PRELID2: variants seen among roughly 807,000 people sequenced by gnomAD.
The protein encoded by PRELID2 is PRELI domain containing 2.
A neutral mutation model predicts 28.4 loss-of-function variants in PRELID2; 25 were observed. That is an observed-to-expected ratio of 0.88 (90% CI 0.64 to 1.23). The LOEUF (loss-of-function observed/expected upper bound fraction) is 1.23. Among genes scored for constraint, PRELID2 ranks in the 50% most tolerant of loss-of-function variants. The probability of loss-of-function intolerance (pLI) is 0.00; values close to 1 mark genes in which losing one functional copy is unlikely to be tolerated. For synonymous variants in PRELID2, 76 were observed against 71.6 expected (o/e 1.06, Z -0.31); for missense variants, 201 against 214.4 (o/e 0.94, Z 0.39).
At chr5:145,721,234 A>C (rs111765293) in intron 1 of PRELID2, among the ~76,000 whole-genome samples, 2,251 of 152,234 alleles carry the variant, frequency 0.015, 27 homozygotes, top group South Asian at 0.023. Context: ...AAAGGATAGT[A>C]GAAAAGTGAA....
At chr5:145,404,993 G>A in the PRELID2 span, among the ~76,000 whole-genome samples, 1 of 151,928 alleles carries the variant, frequency 6.6e-6, no homozygotes, top group African/African-American at 2.4e-5. Context: ...ATATTTTCAT[G>A]GTTTTAAACA....
intron 1 of PRELID2, among the ~76,000 whole-genome samples, chr5:145,632,855 T>A (rs1055441288): frequency 2.0e-5 from 3 of 152,126 alleles, no homozygotes; most frequent in African/African-American, 7.2e-5. Context: ...AAGAAGCCTA[T>A]CCTAAGTGGG....
At chr5:145,585,284 G>C (rs1247574909) in intron 1 of PRELID2, among the ~76,000 whole-genome samples, 1 of 152,116 alleles carries the variant, frequency 6.6e-6, no homozygotes, top group Non-Finnish European at 1.5e-5. Context: ...AGGGCCTGTC[G>C]TGGTGGGGTG....
intron 1 of PRELID2, among the ~76,000 whole-genome samples, chr5:145,679,626 TAAATA>T (rs1487554323): frequency 6.6e-6 from 1 of 152,058 alleles, no homozygotes; most frequent in Non-Finnish European, 1.5e-5. Context: ...AAATACTTCT[TAAATA>T]AAATAATTAA....
the PRELID2 span, among the ~76,000 whole-genome samples, chr5:145,407,601 C>A: frequency 6.6e-6 from 1 of 152,158 alleles, no homozygotes; most frequent in Non-Finnish European, 1.5e-5. Flanking sequence ...AACCCCAGTA[C>A]TTTTCTTGAC....
At chr5:145,665,339 G>A (rs1417298060) in intron 1 of PRELID2, among the ~76,000 whole-genome samples, 1 of 152,020 alleles carries the variant, frequency 6.6e-6, no homozygotes, top group African/African-American at 2.4e-5. Flanking sequence ...ACACTGTGCT[G>A]AGAATGCTAA....
At chr5:145,798,090 A>C (rs1752885633) in intron 4 of PRELID2, among the ~76,000 whole-genome samples, 1 of 151,952 alleles carries the variant, frequency 6.6e-6, no homozygotes, top group Non-Finnish European at 1.5e-5. Context: ...AACACAATTC[A>C]CTAGAGTGGC....
chr5:145,667,626 T>C (rs1303550042), intron 1 of PRELID2, among the ~76,000 whole-genome samples: 1 of 152,196 alleles, frequency 6.6e-6, no homozygotes, highest in East Asian at 1.9e-4. Context: ...ATTTACTATG[T>C]TGAATGCCTT....
At chr5:145,348,474 C>G in the PRELID2 span, among the ~76,000 whole-genome samples, 3 of 152,050 alleles carry the variant, frequency 2.0e-5, no homozygotes, top group Admixed American at 2.0e-4. Flanking sequence ...TTCTCCCACC[C>G]CCAGTAGCAT....
intron 1 of PRELID2, among the ~76,000 whole-genome samples, chr5:145,657,429 T>C (rs971704324): frequency 6.6e-6 from 1 of 152,196 alleles, no homozygotes; most frequent in African/African-American, 2.4e-5. Context: ...CTCATGCCTG[T>C]AATCCCAGCA....
chr5:145,528,309 C>A (rs1043846271), intron 1 of PRELID2, among the ~76,000 whole-genome samples: 6 of 152,070 alleles, frequency 3.9e-5, no homozygotes, highest in Middle Eastern at 3.2e-3. Context: ...TTCGTAGTAT[C>A]CTCAGTACTT....
At chr5:145,779,305 T>C (rs538369684) in intron 5 of PRELID2, among the ~76,000 whole-genome samples, 2 of 152,134 alleles carry the variant, frequency 1.3e-5, no homozygotes, top group Non-Finnish European at 2.9e-5. Context: ...TCACATACAG[T>C]TAAGAGTGCT....
the PRELID2 span, among the ~76,000 whole-genome samples, chr5:145,447,085 AAATT>A: frequency 6.6e-6 from 1 of 151,000 alleles, no homozygotes. Flanking sequence ...AAATAAATAA[AAATT>A]TAAAAATAAA....
At chr5:145,512,114 G>A (rs1231683585) in intron 1 of PRELID2, among the ~76,000 whole-genome samples, 1 of 152,120 alleles carries the variant, frequency 6.6e-6, no homozygotes, top group Non-Finnish European at 1.5e-5. Flanking sequence ...CATCAAGAAG[G>A]AATAAATTTT....
chr5:145,748,798 C>T (rs894055619), intron 1 of PRELID2, among the ~76,000 whole-genome samples: 7 of 152,108 alleles, frequency 4.6e-5, no homozygotes, highest in African/African-American at 1.7e-4. Context: ...TGGAACAAAA[C>T]AGAGACCTCA....
intron 1 of PRELID2, among the ~76,000 whole-genome samples, chr5:145,744,107 T>A (rs955475338): frequency 6.6e-6 from 1 of 152,130 alleles, no homozygotes; most frequent in Non-Finnish European, 1.5e-5. Flanking sequence ...TCCTTCCTCA[T>A]TGGGTAGGGC....
intron 1 of PRELID2, among the ~76,000 whole-genome samples, chr5:145,573,102 C>T (rs1167782713): frequency 1.3e-5 from 2 of 152,142 alleles, no homozygotes; most frequent in African/African-American, 4.8e-5. Flanking sequence ...GGAAAGTTCA[C>T]ATATTCTTTC....
intron 4 of PRELID2, among the ~76,000 whole-genome samples, chr5:145,811,215 T>C (rs1037711953): frequency 6.6e-6 from 1 of 151,638 alleles, no homozygotes; most frequent in Non-Finnish European, 1.5e-5. Context: ...CCCCACGATT[T>C]AATTGCCTCC....
At chr5:145,644,844 C>T (rs181558547) in intron 1 of PRELID2, among the ~76,000 whole-genome samples, 1,672 of 152,166 alleles carry the variant, frequency 0.011, 28 homozygotes, top group African/African-American at 0.038. Context: ...TTTCTTAATC[C>T]TGAGTTCTAA....
Sources: allele counts gnomAD v4.1 joint callset (sites outside exome capture counted in the v4.1 genomes callset), GRCh38; gene constraint gnomAD v4.1.1; transcripts MANE v1.5; gene names NCBI Gene and HGNC (gene_info 2026-07-23, HGNC 2026-07-21).